The following ROBO2 variants were observed in gnomAD, a reference collection of about 807,000 sequenced individuals.
The protein encoded by ROBO2 is roundabout guidance receptor 2, also known as roundabout homolog 2.
ROBO2 carries 53 observed loss-of-function variants against 160.8 expected under a neutral mutation model. The ratio of observed to expected loss-of-function variants is 0.33; its 90% confidence interval spans 0.26 to 0.41. The LOEUF is 0.41. Among genes scored for constraint, ROBO2 ranks in the 10% least tolerant of loss-of-function variants. ROBO2 has a pLI of 1.00. For synonymous variants in ROBO2, 664 were observed against 611.7 expected (o/e 1.09, Z -1.26); for missense variants, 1,577 against 1,722.4 (o/e 0.92, Z 1.49).
At chr3:77,159,587 G>C (rs1446845080) in intron 2 of ROBO2, among the ~76,000 whole-genome samples, 2 of 152,048 alleles carry the variant, frequency 1.3e-5, no homozygotes, top group Admixed American at 6.6e-5. Context: ...TTTGTTTAAT[G>C]TTGTCTGAAA....
intron 2 of ROBO2, among the ~76,000 whole-genome samples, chr3:76,848,332 GTTGGCCAACTTGAT>G (rs2068976149): frequency 6.6e-6 from 1 of 152,138 alleles, no homozygotes; most frequent in East Asian, 1.9e-4. Flanking sequence ...AGGGTAGGGG[GTTGGCCAACTTGAT>G]TTGTAGCATT....
At position 76,272,832 on chromosome 3, in the gene ROBO2, T is replaced by TATATATTTATATATAAA. The variant is rs1559705683; in HGVS notation, c.109+335236_109+335237insTTATATATAAAATATAT. On this transcript the variant is annotated intron_variant, in intron 2 of 26. Coordinates refer to the ROBO2 transcript ENST00000487694. ...ATATAATATGTATTTATATATAAAATATATATATTATATATTATATATAAA... is the reference window on the plus strand; with the variant it reads ...ATATAATATGTATTTATATATAAAATATATATTTATATATAAAATATATATTATATATTATATATAAA... Among the ~76,000 whole-genome samples the TATATATTTATATATAAA allele has an allele frequency of 1.1e-3, 44 of 38,284 alleles. 8 individuals are homozygous for TATATATTTATATATAAA. The highest frequency in any genetic ancestry group is 3.7e-3 in the African/African-American group (43 of 11,658). The allele number at this position is 38,284 out of a possible 152,430, so 25.1% of individuals were successfully genotyped here. A position where few individuals can be genotyped will look rare whatever the true frequency, so the allele number is the denominator to read the frequency against.
chr3:76,412,623 G>A (rs2075552107), intron 2 of ROBO2, among the ~76,000 whole-genome samples: 1 of 152,182 alleles, frequency 6.6e-6, no homozygotes, highest in South Asian at 2.1e-4. Flanking sequence ...AAATCTAGCA[G>A]GGCAATCAAA....
chr3:77,357,523 T>G (rs2069311422), intron 2 of ROBO2, among the ~76,000 whole-genome samples: 1 of 152,158 alleles, frequency 6.6e-6, no homozygotes, highest in Non-Finnish European at 1.5e-5. Flanking sequence ...TTTTTATACA[T>G]TACCCAGTCT....
At chr3:76,287,748 A>G (rs1708582315) in intron 2 of ROBO2, among the ~76,000 whole-genome samples, 1 of 152,340 alleles carries the variant, frequency 6.6e-6, no homozygotes, top group African/African-American at 2.4e-5. Flanking sequence ...TGGTTTCCTC[A>G]TCTGTAAAAT....
intron 2 of ROBO2, among the ~76,000 whole-genome samples, chr3:77,128,126 T>C (rs2075513235): frequency 6.6e-6 from 1 of 152,184 alleles, no homozygotes; most frequent in Non-Finnish European, 1.5e-5. Flanking sequence ...CTCATTTATT[T>C]AAGCAGGTGA....
rs879846978 is a variant in ROBO2, at chr3:77,277,137, C to CTTCCTTCTTTCCTTCT, written c.388+178809_388+178824dup. On this transcript the variant is annotated intron_variant, in intron 2 of 25. Coordinates refer to ENST00000461745, the Ensembl canonical transcript of ROBO2. ...AAATGCACCCTTCCTTCCTTCCTTT[C>CTTCCTTCTTTCCTTCT]TTCCTTCTTTCCTTCTTTCCTTCTT... is the stretch of plus-strand genomic sequence containing the variant. Among the ~76,000 whole-genome samples the CTTCCTTCTTTCCTTCT allele has an allele frequency of 5.3e-3, 663 of 124,796 alleles. 21 individuals carry two copies. Among genetic ancestry groups the CTTCCTTCTTTCCTTCT allele is most frequent in the African/African-American group, 0.018 (631 of 34,744 alleles). 81.9% of individuals were successfully genotyped at this position (124,796 alleles called of 152,430 possible). A position where few individuals can be genotyped will look rare whatever the true frequency, so the allele number is the denominator to read the frequency against.
rs1485680378 is a variant in ROBO2, at chr3:76,046,449, A to G, written c.109+108847A>G. ...TGGATCACAAGGTCAGGAGATCGAG[A>G]CCATCCCGGCTAACGCGGTGAAGCC... is the stretch of plus-strand genomic sequence containing the variant. On this transcript the variant is annotated intron_variant, in intron 2 of 26. Coordinates refer to the ROBO2 transcript ENST00000487694. Among the ~76,000 whole-genome samples the G allele has an allele frequency of 1.3e-5, 2 of 151,886 alleles. 1 individual carries two copies. Among genetic ancestry groups the G allele is most frequent in the African/African-American group, 4.9e-5 (2 of 41,236 alleles).
intron 6 of ROBO2, among the ~76,000 whole-genome samples, chr3:77,531,106 T>TATACC (rs2091690398): frequency 6.6e-6 from 1 of 152,002 alleles, no homozygotes; most frequent in Non-Finnish European, 1.5e-5. Flanking sequence ...TGGTGACTTG[T>TATACC]ATACCATATG....
At chr3:76,089,631 C>T (rs1033320295) in intron 2 of ROBO2, among the ~76,000 whole-genome samples, 2 of 151,862 alleles carry the variant, frequency 1.3e-5, no homozygotes, top group Non-Finnish European at 2.9e-5. Flanking sequence ...AATCAAACAC[C>T]CATTCATGAT....
intron 2 of ROBO2, among the ~76,000 whole-genome samples, chr3:76,687,580 A>G (rs2092712477): frequency 6.6e-6 from 1 of 152,058 alleles, no homozygotes; most frequent in South Asian, 2.1e-4. Flanking sequence ...CTAGGCTTCA[A>G]CAGCCCCTGG....
At chr3:75,934,665 A>T (rs1947694066) in intron 1 of ROBO2, among the ~76,000 whole-genome samples, 1 of 152,178 alleles carries the variant, frequency 6.6e-6, no homozygotes, top group Non-Finnish European at 1.5e-5. Flanking sequence ...CATAAACATC[A>T]ACTCAGAGAG....
At chr3:77,312,168 G>T (rs62251215) in intron 2 of ROBO2, among the ~76,000 whole-genome samples, 8,272 of 152,036 alleles carry the variant, frequency 0.054, 703 homozygotes, top group African/African-American at 0.18. Flanking sequence ...TGACAGCCAG[G>T]GGAATTCCAG....
chr3:77,347,300 A>G (rs2153455498), intron 2 of ROBO2, among the ~76,000 whole-genome samples: 1 of 152,274 alleles, frequency 6.6e-6, no homozygotes, highest in East Asian at 1.9e-4. Flanking sequence ...AACCAAAACA[A>G]TACGAATTAA....
chr3:76,025,083 T>A (rs1252392633), intron 2 of ROBO2, among the ~76,000 whole-genome samples: 1 of 151,440 alleles, frequency 6.6e-6, no homozygotes, highest in East Asian at 1.9e-4. Context: ...TAAGTCGATC[T>A]GTAGAAAAAA....
chr3:76,736,446 G>A (rs1330814629), intron 2 of ROBO2, among the ~76,000 whole-genome samples: 2 of 152,102 alleles, frequency 1.3e-5, no homozygotes, highest in East Asian at 3.9e-4. Flanking sequence ...ATTAAGGGAA[G>A]CTGTTTGACA....
At chr3:76,232,701 CCTT>C (rs574670981) in intron 2 of ROBO2, among the ~76,000 whole-genome samples, 4 of 152,064 alleles carry the variant, frequency 2.6e-5, no homozygotes, top group South Asian at 2.1e-4. Context: ...GCTATTTAAC[CCTT>C]CTTATACATT....
chr3:77,477,265 T>A, intron 2 of ROBO2, 149 bp from the exon 3 acceptor site: 1 of 785,484 alleles, frequency 1.3e-6, no homozygotes, highest in South Asian at 1.4e-5. Flanking sequence ...GGCTCCAGAA[T>A]ATTTTAAGGT....
chr3:76,567,124 G>T (rs1303956990), intron 2 of ROBO2, among the ~76,000 whole-genome samples: 1 of 152,096 alleles, frequency 6.6e-6, no homozygotes, highest in Non-Finnish European at 1.5e-5. Flanking sequence ...AAACCCCACA[G>T]TGGAAAACGA....
Sources: allele counts gnomAD v4.1 joint callset (sites outside exome capture counted in the v4.1 genomes callset), GRCh38; gene constraint gnomAD v4.1.1; transcripts MANE v1.5; gene names NCBI Gene and HGNC (gene_info 2026-07-23, HGNC 2026-07-21).